KBTBD12: variants seen among roughly 807,000 people sequenced by gnomAD.
KBTBD12 encodes kelch repeat and BTB domain containing 12, also known as kelch repeat and BTB domain-containing protein 12.
Under a neutral mutation model 58.7 loss-of-function variants are expected in KBTBD12, and 53 were observed. The observed-to-expected ratio is 0.90, with a 90% CI of 0.72 to 1.14. The LOEUF (loss-of-function observed/expected upper bound fraction) is 1.14, where lower values mean the gene tolerates loss of function less well. Ranked by LOEUF, KBTBD12 falls within the 50% of genes most tolerant of loss-of-function variation. The pLI is 0.00. For synonymous variants in KBTBD12, 236 were observed against 259.8 expected (o/e 0.91, Z 0.88); for missense variants, 704 against 751.3 (o/e 0.94, Z 0.74).
At chr3:127,924,858 G>T (rs1008641192) in intron 2 of KBTBD12, among the ~76,000 whole-genome samples, 3 of 152,112 alleles carry the variant, frequency 2.0e-5, no homozygotes, top group African/African-American at 7.2e-5. Context: ...GAACAAATAG[G>T]TTTATTTACT....
intron 4 of KBTBD12, among the ~76,000 whole-genome samples, chr3:127,954,976 T>A (rs928624444): frequency 6.6e-6 from 1 of 152,222 alleles, no homozygotes; most frequent in South Asian, 2.1e-4. Flanking sequence ...TGTCACACTA[T>A]ACTCAGACTG....
At chr3:127,928,107 G>A (rs1333081916) in intron 3 of KBTBD12, 73 bp downstream of exon 3, 2 of 1,264,000 alleles carry the variant, frequency 1.6e-6, no homozygotes, top group Admixed American at 1.8e-5. Flanking sequence ...CATTGTTGTA[G>A]TTGTTGAATG....
Position 127,915,416 on chromosome 3 carries a change from T to G in KBTBD12, c.-283T>G, listed in dbSNP as rs1310763206. On this transcript the variant is annotated 5_prime_UTR_variant, in exon 1 of 6. Coordinates refer to ENST00000405109, the MANE Select transcript of KBTBD12 (RefSeq NM_207335.4). The stretch of plus-strand genomic sequence containing the variant: ...CCCCTCGGAGGCGCTGCCAGCGCCC[T>G]CCCTCCTCCTCCGCAGGGCGCGGGA... 1.3e-5 allele frequency: 2 copies of G among 152,606 alleles called. No homozygotes were observed. Among genetic ancestry groups the G allele is most frequent in the African/African-American group, 4.8e-5 (2 of 41,436 alleles). The allele number at this position is 152,606 out of a possible 1,614,324, so 9.5% of individuals were successfully genotyped here. A position where few individuals can be genotyped will look rare whatever the true frequency, so the allele number is the denominator to read the frequency against.
intron 4 of KBTBD12, among the ~76,000 whole-genome samples, chr3:127,936,030 C>G (rs546301154): frequency 6.6e-6 from 1 of 152,096 alleles, no homozygotes; most frequent in South Asian, 2.1e-4. Context: ...CAATTATAAA[C>G]GTGTCATACC....
intron 5 of KBTBD12, among the ~76,000 whole-genome samples, chr3:127,972,413 G>C (rs1167647182): frequency 6.6e-6 from 1 of 151,740 alleles, no homozygotes; most frequent in Non-Finnish European, 1.5e-5. Flanking sequence ...TGCAGTCAGG[G>C]TTAAGAGCCT....
intron 4 of KBTBD12, among the ~76,000 whole-genome samples, chr3:127,958,226 G>T (rs1305205386): frequency 6.6e-6 from 1 of 152,140 alleles, no homozygotes; most frequent in Non-Finnish European, 1.5e-5. Flanking sequence ...AGGCACTGAG[G>T]AGGTACAGTC....
At chr3:127,978,803 T>C (rs74957536) in intron 5 of KBTBD12, among the ~76,000 whole-genome samples, 2,588 of 152,318 alleles carry the variant, frequency 0.017, 63 homozygotes, top group African/African-American at 0.057. Flanking sequence ...GAGGCATGCA[T>C]GTTCATGGAA....
chr3:127,975,488 G>A (rs1368964978), intron 5 of KBTBD12, among the ~76,000 whole-genome samples: 1 of 152,178 alleles, frequency 6.6e-6, no homozygotes, highest in Non-Finnish European at 1.5e-5. Context: ...AGATACACAT[G>A]ACATCAGGAG....
chr3:127,917,611 T>C (rs1398343822), intron 1 of KBTBD12, among the ~76,000 whole-genome samples: 1 of 152,184 alleles, frequency 6.6e-6, no homozygotes, highest in Non-Finnish European at 1.5e-5. Flanking sequence ...GCTCCTATCC[T>C]GAAGCTCTAG....
At chr3:127,931,602 A>G (rs1383912839) in intron 4 of KBTBD12, among the ~76,000 whole-genome samples, 1 of 152,168 alleles carries the variant, frequency 6.6e-6, no homozygotes, top group East Asian at 1.9e-4. Context: ...AAGTGGAGCC[A>G]CAACGAGGCT....
At position 127,963,950 on chromosome 3, in the gene KBTBD12, G is replaced by A. The variant is rs1940507562; in HGVS notation, c.1690+564G>A. ...ACCACTTGAAATAAATGGCTTGAAA[G>A]CATTTCTAAAATAATACCTAATGCA... On this transcript the variant is annotated intron_variant, in intron 5 of 5. Transcript: ENST00000405109. Among the ~76,000 whole-genome samples, 2 of 152,140 alleles carry A rather than the reference G, an allele frequency of 1.3e-5. 1 individual carries two copies. The highest frequency in any genetic ancestry group is 4.1e-4 in the South Asian group (2 of 4,824).
chr3:127,948,580 A>G lies in KBTBD12; in HGVS notation c.1493-14609A>G, dbSNP rs374374654. Among the ~76,000 whole-genome samples the G allele has an allele frequency of 1.9e-3, 286 of 152,328 alleles. 2 individuals are homozygous for G. The Middle Eastern group carries it at 0.054, about 29-fold the overall frequency. ...GTGGGATAAAGCACAGACAAACCCTAGTCAAGATCAGCATCTCGTCTGTAA... is the reference window on the plus strand; with the variant it reads ...GTGGGATAAAGCACAGACAAACCCTGGTCAAGATCAGCATCTCGTCTGTAA... On this transcript the variant is annotated intron_variant, in intron 4 of 5. Transcript: ENST00000405109.
Position 127,984,195 on chromosome 3 carries a change from G to A in KBTBD12, c.1789G>A (p.Asp597Asn). ...AINVLMHDSYDVCLVARMNPR... is the reference protein window; with the variant it reads ...AINVLMHDSYNVCLVARMNPR... The stretch of plus-strand genomic sequence containing the variant: ...CAACGTCCTCATGCATGACAGCTAT[G>A]ATGTCTGCCTAGTAGCCAGGATGAA... Residue 597 changes from aspartate to asparagine, a missense_variant, in exon 6 of 6, where the codon GAT becomes AAT. By Grantham distance (23) the Asp-to-Asn change is conservative. Coordinates refer to ENST00000405109, the MANE Select transcript of KBTBD12 (RefSeq NM_207335.4). 2 of 1,614,002 alleles carry A rather than the reference G, an allele frequency of 1.2e-6. No individual in the cohort carries two copies. Among genetic ancestry groups the A allele is most frequent in the Non-Finnish European group, 8.5e-7 (1 of 1,179,874 alleles).
intron 1 of KBTBD12, among the ~76,000 whole-genome samples, chr3:127,917,675 TG>T (rs1340207795): frequency 9.9e-5 from 15 of 152,192 alleles, no homozygotes; most frequent in African/African-American, 3.6e-4. Flanking sequence ...TTTATCACTT[TG>T]GAGATTCCAA....
At chr3:127,942,646 CTATA>C (rs1227492350) in intron 4 of KBTBD12, among the ~76,000 whole-genome samples, 13 of 146,234 alleles carry the variant, frequency 8.9e-5, no homozygotes, top group South Asian at 4.3e-4. Flanking sequence ...CTATATATAA[CTATA>C]TATATAACTA....
chr3:127,916,988 C>G (rs1183266990), intron 1 of KBTBD12, among the ~76,000 whole-genome samples: 2 of 152,228 alleles, frequency 1.3e-5, no homozygotes, highest in Non-Finnish European at 2.9e-5. Flanking sequence ...TTGTCTGCTG[C>G]TCTCACACAA....
In KBTBD12 at chr3:127,936,878, T is replaced by A. The variant is rs550935818; in HGVS notation, c.1492+6595T>A. ...AAGTTACTGATGAAAGGCTCATACA[T>A]CCCTGAGAAGTAATAATCATAAATA... On this transcript the variant is annotated intron_variant, in intron 4 of 5. Transcript: ENST00000405109. 6.1e-3 allele frequency among the ~76,000 whole-genome samples: 932 copies of A among 152,094 alleles called. 10 individuals are homozygous for A. The highest frequency in any genetic ancestry group is 0.021 in the African/African-American group (880 of 41,486).
intron 4 of KBTBD12, among the ~76,000 whole-genome samples, chr3:127,934,911 A>C (rs867394509): frequency 6.6e-6 from 1 of 152,192 alleles, no homozygotes; most frequent in Non-Finnish European, 1.5e-5. Flanking sequence ...CTAAAAGAAC[A>C]CTAAAATCCT....
chr3:127,934,513 A>G (rs979552444), intron 4 of KBTBD12, among the ~76,000 whole-genome samples: 7 of 152,160 alleles, frequency 4.6e-5, no homozygotes, highest in African/African-American at 1.7e-4. Flanking sequence ...GAGAGAAGTA[A>G]TAGTCAAAAA....
Sources: allele counts gnomAD v4.1 joint callset (sites outside exome capture counted in the v4.1 genomes callset), GRCh38; gene constraint gnomAD v4.1.1; transcripts MANE v1.5; gene names NCBI Gene and HGNC (gene_info 2026-07-23, HGNC 2026-07-21).